PEX1: variants seen among roughly 807,000 people sequenced by gnomAD.
PEX1 encodes peroxisomal biogenesis factor 1.
A neutral mutation model predicts 152.5 loss-of-function variants in PEX1; 97 were observed. That is an observed-to-expected ratio of 0.64 (90% confidence interval 0.54 to 0.75). The LOEUF (loss-of-function observed/expected upper bound fraction) is 0.75. Ranked by LOEUF, PEX1 falls within the 30% of genes least tolerant of loss-of-function variation. The probability of loss-of-function intolerance (pLI) is 0.00; values close to 1 mark genes in which losing one functional copy is unlikely to be tolerated. For synonymous variants in PEX1, 485 were observed against 531.6 expected (o/e 0.91, Z 1.21); for missense variants, 1,357 against 1,516.3 (o/e 0.89, Z 1.74).
chr7:92,501,062 A>G (rs1791898606), intron 15 of PEX1, among the ~76,000 whole-genome samples: 3 of 152,122 alleles, frequency 2.0e-5, no homozygotes, highest in Admixed American at 6.5e-5. Context: ...TACTGTAACT[A>G]TCACCTCAGC....
chr7:92,511,466 A>G (rs1455761404), intron 7 of PEX1, 114 bp downstream of exon 7: 3 of 853,822 alleles, frequency 3.5e-6, no homozygotes, highest in South Asian at 3.2e-5. Context: ...TTTAATTATC[A>G]TAATTATATT....
Position 92,487,550 on chromosome 7 carries a change from A to G in PEX1, c.3768-9T>C. On this transcript the variant is annotated splice_polypyrimidine_tract_variant and intron_variant, in intron 23 of 23. Transcript: ENST00000248633. ...TTTGAAAGCTTTCATATCTGAAAAA[A>G]GAAAGAGATAATTTAATATGTATAA... The G allele has an allele frequency of 7.2e-7, 1 of 1,381,142 alleles. No homozygotes were observed. Among genetic ancestry groups the G allele is most frequent in the Non-Finnish European group, 1.0e-6 (1 of 972,762 alleles). 85.6% of individuals were successfully genotyped at this position (1,381,142 alleles called of 1,614,324 possible).
chr7:92,491,659 G>T (rs1791332445), intron 20 of PEX1, 157 bp from the exon 21 acceptor site: 2 of 597,844 alleles, frequency 3.3e-6, no homozygotes, highest in Non-Finnish European at 5.8e-6. Context: ...GAGGCACATG[G>T]TAAAAATTTA....
intron 2 of PEX1, 92 bp downstream of exon 2, chr7:92,522,010 C>T (rs1793070402): frequency 5.3e-6 from 7 of 1,315,560 alleles, no homozygotes; most frequent in Non-Finnish European, 7.6e-6. Context: ...GACATCTCAC[C>T]TCCTTTAACA....
At chr7:92,525,575 G>T (rs1417333288) in intron 1 of PEX1, among the ~76,000 whole-genome samples, 2 of 152,122 alleles carry the variant, frequency 1.3e-5, no homozygotes, top group Non-Finnish European at 2.9e-5. Context: ...AGACCTTTTT[G>T]GTTGTCACAG....
intron 9 of PEX1, 68 bp downstream of exon 9, chr7:92,509,261 A>G: frequency 9.9e-7 from 1 of 1,012,312 alleles, no homozygotes; most frequent in Non-Finnish European, 1.6e-6. Context: ...TAATATTTAC[A>G]TTGAAAACTC....
chr7:92,516,185 G>C (rs564423908), intron 5 of PEX1, among the ~76,000 whole-genome samples: 23 of 152,254 alleles, frequency 1.5e-4, no homozygotes, highest in African/African-American at 4.1e-4. Flanking sequence ...CAGCACTTTG[G>C]GAGGCCGAGG....
In PEX1 at chr7:92,517,415, TG is replaced by T. The variant is rs1403870448; in HGVS notation, c.1099del (p.Gln367LysfsTer20). ...KEKQMSEPLDQKKIRSDHNEE... is the reference protein window; with the variant it reads ...KEKQMSEPLDXKKIRSDHNEE... Reference sequence around the variant, plus strand: ...ATTATGATCTGACCTAATTTTTTTTTGATCTAGTGGCTCTGACATCTGCTTC... The same window carrying T: ...ATTATGATCTGACCTAATTTTTTTTTATCTAGTGGCTCTGACATCTGCTTC... On this transcript the variant is annotated frameshift_variant, in exon 5 of 24. Coordinates refer to ENST00000248633, the MANE Select transcript of PEX1 (RefSeq NM_000466.3). LOFTEE classifies it high-confidence loss of function. 6.2e-7 allele frequency: 1 copy of T among 1,613,888 alleles called. No individual in the cohort carries two copies. Among genetic ancestry groups the T allele is most frequent in the Non-Finnish European group, 8.5e-7 (1 of 1,180,000 alleles).
chr7:92,513,907 G>A lies in PEX1; in HGVS notation c.1300C>T (p.Pro434Ser), dbSNP rs765528934. Reference protein sequence around the residue: ...IEMHAVVRITPVEVTPKIPRS... With the variant: ...IEMHAVVRITSVEVTPKIPRS... The stretch of plus-strand genomic sequence containing the variant: ...GGAATTTTAGGGGTAACTTCCACTG[G>A]AGTTATCCTGACTACGGCATGCATT... Residue 434 changes from proline (P) to serine (S), a missense_variant, in exon 6 of 24, where the codon CCA (proline) becomes TCA (serine). Transcript: ENST00000248633. 8.8e-6 allele frequency: 14 copies of A among 1,586,134 alleles called. No individual in the cohort carries two copies. Among genetic ancestry groups the A allele is most frequent in the South Asian group, 5.5e-5 (5 of 90,366 alleles).
chr7:92,499,791 T>C lies in PEX1; in HGVS notation c.2631A>G (p.Ile877Met), dbSNP rs1441883974. The C allele has an allele frequency of 6.2e-7, 1 of 1,610,732 alleles. No individual in the cohort carries two copies. The highest frequency in any genetic ancestry group is 8.5e-7 in the Non-Finnish European group (1 of 1,177,052). The stretch of plus-strand genomic sequence containing the variant: ...CTGTTCCAGGCGGACCATACAACAG[T>C]ATTCCTGTTCTTTGTCGTATGGGCA... ...ANLPIRQRTG[I>M]LLYGPPGTGK... Residue 877 changes from isoleucine (I) to methionine (M), a missense_variant, in exon 16 of 24, where the codon ATA becomes ATG. Ile to Met is a conservative substitution (Grantham distance 10). Transcript: ENST00000248633.
At chr7:92,492,480 T>C (rs1187423631) in intron 20 of PEX1, among the ~76,000 whole-genome samples, 1 of 152,106 alleles carries the variant, frequency 6.6e-6, no homozygotes, top group African/African-American at 2.4e-5. Context: ...AATAACTTAC[T>C]GTATCTGGAA....
chr7:92,510,673 T>C (rs1243380346), intron 8 of PEX1, among the ~76,000 whole-genome samples: 1 of 152,150 alleles, frequency 6.6e-6, no homozygotes, highest in African/African-American at 2.4e-5. Context: ...GAATTTTAAA[T>C]CATGATCCAT....
At chr7:92,510,485 A>ATAC (rs1426825622) in intron 8 of PEX1, among the ~76,000 whole-genome samples, 36 of 151,640 alleles carry the variant, frequency 2.4e-4, no homozygotes, top group African/African-American at 8.7e-4. Flanking sequence ...AAAAATAATA[A>ATAC]TATAATAATA....
intron 22 of PEX1, 82 bp from the exon 23 acceptor site, chr7:92,489,505 G>T: frequency 2.3e-6 from 3 of 1,286,140 alleles, no homozygotes; most frequent in Non-Finnish European, 3.3e-6. Flanking sequence ...ACTTCTTATT[G>T]TCAGTTTTTT....
chr7:92,512,890 C>A (rs2116216223), intron 6 of PEX1, among the ~76,000 whole-genome samples: 1 of 152,192 alleles, frequency 6.6e-6, no homozygotes. Context: ...CTCAGCTTCC[C>A]AAAGTGCTAG....
rs117514298 is a variant in PEX1 at position 92,494,652 on chromosome 7, C to T, written c.2784-23G>A. ...GCTCTGGGAAAAACAAACAACATTT[C>T]ATATTTGAATCAGGCTTCATAGTTG... is the stretch of plus-strand genomic sequence containing the variant. On this transcript the variant is annotated intron_variant, in intron 17 of 23. Transcript: ENST00000248633. The T allele has an allele frequency of 0.02, 32,580 of 1,612,172 alleles. 435 individuals are homozygous for T. The highest frequency in any genetic ancestry group is 0.022 in the Non-Finnish European group (26,218 of 1,178,502).
Position 92,528,310 on chromosome 7 carries a change from C to A in PEX1, c.126G>T (p.Leu42=), listed in dbSNP as rs1304440662. ...TGGCTCGGGGCCGGCAGGTTACCTG[C>A]AGCAGATGCAGCTGGGCCACGAGAC... ...PRRLVAQLHL[L]QNQAIEVVWS... is the part of the protein sequence containing the mutation. Residue 42 remains leucine (L), a synonymous_variant, in exon 1 of 24, where the codon CTG becomes CTT. Transcript: ENST00000248633. The A allele has an allele frequency of 1.9e-6, 3 of 1,558,586 alleles. No homozygotes were observed. The highest frequency in any genetic ancestry group is 2.4e-5 in the South Asian group (2 of 84,836).
rs748922613 is a variant in PEX1, at chr7:92,504,875, G to T, written c.1928C>A (p.Thr643Asn). The change falls in exon 12 of 24, where the codon ACC (threonine) becomes AAC (asparagine). Residue 643 changes from threonine to asparagine, a missense_variant. Coordinates refer to ENST00000248633, the MANE Select transcript of PEX1 (RefSeq NM_000466.3). Reference protein sequence around the residue: ...RGKRLENIQKTLEVAFSEAVW... With the variant: ...RGKRLENIQKNLEVAFSEAVW... ...TGCCTCTGAGAAAGCCACCTCTAGG[G>T]TTTTTTGTATGTTTTCAAGCCTTTT... 6 of 1,613,594 alleles carry T rather than the reference G, an allele frequency of 3.7e-6. No individual in the cohort carries two copies. Among genetic ancestry groups the T allele is most frequent in the South Asian group, 1.1e-5 (1 of 91,078 alleles).
chr7:92,502,989 TA>T (rs1383694326), intron 13 of PEX1, 51 bp downstream of exon 13: 11 of 1,483,472 alleles, frequency 7.4e-6, no homozygotes, highest in Non-Finnish European at 1.0e-5. Flanking sequence ...AATTGAAAAA[TA>T]ATTTCTATAA....
Sources: allele counts gnomAD v4.1 joint callset (sites outside exome capture counted in the v4.1 genomes callset), GRCh38; gene constraint gnomAD v4.1.1; transcripts MANE v1.5; gene names NCBI Gene and HGNC (gene_info 2026-07-23, HGNC 2026-07-21).